DNAH8: variants seen among roughly 807,000 people sequenced by gnomAD.
DNAH8 encodes the protein dynein axonemal heavy chain 8, also known as axonemal beta dynein heavy chain 8.
DNAH8 carries 382 observed loss-of-function variants against 562.1 expected under a neutral mutation model. The observed-to-expected ratio is 0.68, with a 90% confidence interval of 0.63 to 0.74. The LOEUF (loss-of-function observed/expected upper bound fraction) is 0.74. Ranked by LOEUF, DNAH8 falls within the 30% of genes least tolerant of loss-of-function variation. The pLI is 0.00. For synonymous variants in DNAH8, 1,881 were observed against 1,919.4 expected (o/e 0.98, Z 0.52); for missense variants, 5,203 against 5,620.4 (o/e 0.93, Z 2.37).
chr6:38,957,669 CAG>C (rs763991810), intron 82 of DNAH8, among the ~76,000 whole-genome samples: 22 of 151,808 alleles, frequency 1.4e-4, no homozygotes, highest in Middle Eastern at 3.4e-3. Flanking sequence ...AAATCAGTAA[CAG>C]TAGGAACTTT....
rs558042190 is a variant in DNAH8, at chr6:38,906,513, T to C, written c.9348+106T>C. 1.7e-5 allele frequency: 15 copies of C among 908,122 alleles called. No individual in the cohort carries two copies. In the South Asian group the frequency reaches 4.2e-4, roughly 25 times the overall value. 56.3% of individuals were successfully genotyped at this position (908,122 alleles called of 1,614,324 possible). A position where few individuals can be genotyped will look rare whatever the true frequency, so the allele number is the denominator to read the frequency against. On this transcript the variant is annotated intron_variant, in intron 63 of 92. Transcript: ENST00000327475. ...AAATGAGGCTATTTAGTACATTTTT[T>C]ATTTTAGACATGGTTAATGTACGAG... is the stretch of plus-strand genomic sequence containing the variant.
intron 58 of DNAH8, among the ~76,000 whole-genome samples, chr6:38,892,349 C>T (rs1354687830): frequency 6.6e-6 from 1 of 152,146 alleles, no homozygotes; most frequent in Non-Finnish European, 1.5e-5. Context: ...ATGTCTGATA[C>T]TCATCTCAAA....
At chr6:38,969,220 T>A (rs1763175193) in intron 82 of DNAH8, among the ~76,000 whole-genome samples, 1 of 152,170 alleles carries the variant, frequency 6.6e-6, no homozygotes, top group South Asian at 2.1e-4. Flanking sequence ...TCTAAAAACA[T>A]ATTTTAAAAT....
intron 6 of DNAH8, 32 bp downstream of exon 6, chr6:38,737,288 C>A: frequency 4.6e-6 from 6 of 1,302,462 alleles, no homozygotes; most frequent in Non-Finnish European, 4.0e-6. Context: ...TAGCAAATTG[C>A]AAAAAAGAAG....
At chr6:38,893,147 C>T (rs539780691) in intron 58 of DNAH8, among the ~76,000 whole-genome samples, 16 of 152,166 alleles carry the variant, frequency 1.1e-4, no homozygotes, top group Non-Finnish European at 2.2e-4. Flanking sequence ...TTCTTAAGAA[C>T]CAAGGAGGTG....
chr6:38,834,500 G>C, intron 31 of DNAH8, 79 bp from the exon 32 acceptor site: 2 of 957,112 alleles, frequency 2.1e-6, no homozygotes, highest in South Asian at 3.5e-5. Flanking sequence ...TTACTTAAAT[G>C]GAAATAATAG....
intron 62 of DNAH8, among the ~76,000 whole-genome samples, chr6:38,904,039 A>T (rs895819984): frequency 1.3e-5 from 2 of 152,172 alleles, no homozygotes; most frequent in African/African-American, 4.8e-5. Context: ...TCCTTCACTA[A>T]GCTGTAAGCT....
intron 11 of DNAH8, 43 bp from the exon 12 acceptor site, chr6:38,770,370 A>G (rs1376017387): frequency 2.2e-6 from 3 of 1,360,978 alleles, no homozygotes; most frequent in African/African-American, 1.5e-5. Flanking sequence ...TCCTGAACAA[A>G]TGTCTCACTT....
intron 30 of DNAH8, among the ~76,000 whole-genome samples, chr6:38,829,393 T>A (rs922388028): frequency 5.9e-5 from 9 of 152,194 alleles, no homozygotes; most frequent in African/African-American, 1.7e-4. Flanking sequence ...GTATGTTATC[T>A]GGGAAACCAT....
In DNAH8 at chr6:38,910,774, TA is replaced by T. The variant is rs139641377; in HGVS notation, c.9741-686del. Among the ~76,000 whole-genome samples the T allele has an allele frequency of 2.5e-3, 378 of 152,110 alleles. 7 individuals carry two copies. The East Asian group carries it at 0.043, about 17-fold the overall frequency. ...ATAGTCACATATATGCCCAAGATCT[TA>T]AAAAAAACTCAAAAGCATTAAAAAT... On this transcript the variant is annotated intron_variant, in intron 65 of 92. Transcript: ENST00000327475.
At chr6:38,760,965 C>T (rs1367565103) in intron 10 of DNAH8, among the ~76,000 whole-genome samples, 1 of 151,946 alleles carries the variant, frequency 6.6e-6, no homozygotes, top group Non-Finnish European at 1.5e-5. Context: ...ACTAACACAC[C>T]TACCCATTCA....
chr6:38,914,263 T>C lies in DNAH8; in HGVS notation c.9963+311T>C, dbSNP rs116371091. Among the ~76,000 whole-genome samples, 496 of 152,112 alleles carry C rather than the reference T, an allele frequency of 3.3e-3. 3 individuals are homozygous for C. The highest frequency in any genetic ancestry group is 0.011 in the African/African-American group (467 of 41,512). ...TTTGGTCTTCTGTTTAAGGTCCCTG[T>C]ATGTTCCAGGTTTCTGGGATGGCCC... On this transcript the variant is annotated intron_variant, in intron 67 of 92. Coordinates refer to ENST00000327475, the MANE Select transcript of DNAH8 (RefSeq NM_001206927.2).
Position 38,951,322 on chromosome 6 carries a change from T to C in DNAH8, c.12253T>C (p.Trp4085Arg). Residue 4085 changes from tryptophan to arginine, a missense_variant, in exon 82 of 93, where the codon TGG becomes CGG. By Grantham distance (101) the Trp-to-Arg change is moderately radical. Transcript: ENST00000327475. ...CTAACTTGTATTCATTTTTAGGTCT[T>C]GGTGCCCAGACCGTACTGTTTTTCA... ...TCHKLLLIRS[W>R]CPDRTVFQAR... 1 of 1,613,918 alleles carries C rather than the reference T, an allele frequency of 6.2e-7. No individual in the cohort carries two copies. Among genetic ancestry groups the C allele is most frequent in the Non-Finnish European group, 8.5e-7 (1 of 1,179,786 alleles).
chr6:38,813,230 G>A (rs1424127771), intron 24 of DNAH8, among the ~76,000 whole-genome samples: 2 of 152,004 alleles, frequency 1.3e-5, no homozygotes, highest in Non-Finnish European at 2.9e-5. Flanking sequence ...TAATTTTATT[G>A]CAACATCTTG....
intron 88 of DNAH8, among the ~76,000 whole-genome samples, chr6:39,006,200 C>T (rs564056048): frequency 6.6e-6 from 1 of 152,244 alleles, no homozygotes; most frequent in African/African-American, 2.4e-5. Context: ...TATTTAGCAC[C>T]TACAGAACTG....
At chr6:38,715,945 TATATATATATA>T (rs1762279024) in intron 1 of DNAH8, among the ~76,000 whole-genome samples, 2 of 20,894 alleles carry the variant, frequency 9.6e-5, no homozygotes, top group Non-Finnish European at 2.0e-4. Flanking sequence ...TATATATATA[TATATATATATA>T]TATATTTTTT....
At chr6:39,011,976 A>G (rs1406176084) in intron 89 of DNAH8, among the ~76,000 whole-genome samples, 1 of 152,236 alleles carries the variant, frequency 6.6e-6, no homozygotes, top group African/African-American at 2.4e-5. Context: ...TACATTTCCA[A>G]TTATTAGCTA....
intron 34 of DNAH8, 34 bp downstream of exon 34, chr6:38,842,539 C>G: frequency 6.2e-7 from 1 of 1,604,354 alleles, no homozygotes; most frequent in Non-Finnish European, 8.5e-7. Context: ...TAATGCCTGT[C>G]TTCTTAGGAT....
chr6:38,946,703 G>T (rs142398494), intron 80 of DNAH8, among the ~76,000 whole-genome samples: 3 of 152,062 alleles, frequency 2.0e-5, no homozygotes, highest in Non-Finnish European at 4.4e-5. Context: ...CCAGCTACTC[G>T]GGAGGCTGAG....
Sources: allele counts gnomAD v4.1 joint callset (sites outside exome capture counted in the v4.1 genomes callset), GRCh38; gene constraint gnomAD v4.1.1; transcripts MANE v1.5; gene names NCBI Gene and HGNC (gene_info 2026-07-23, HGNC 2026-07-21).